TTC7A: variants seen among roughly 807,000 people sequenced by gnomAD.
The protein encoded by TTC7A is tetratricopeptide repeat domain 7A.
In TTC7A, 110 loss-of-function variants were observed where a neutral mutation model predicts 103.7. That is an observed-to-expected ratio of 1.06 (90% CI 0.91 to 1.24). The LOEUF (loss-of-function observed/expected upper bound fraction) is 1.24, where lower values mean the gene tolerates loss of function less well. Among genes scored for constraint, TTC7A ranks in the 50% most tolerant of loss-of-function variants. TTC7A has a pLI of 0.00. For synonymous variants in TTC7A, 521 were observed against 467.9 expected (o/e 1.11, Z -1.47); for missense variants, 1,340 against 1,116.3 (o/e 1.20, Z -2.86).
chr2:46,948,591 C>A (rs983797027), intron 1 of TTC7A, among the ~76,000 whole-genome samples: 8 of 152,092 alleles, frequency 5.3e-5, no homozygotes, highest in Non-Finnish European at 1.0e-4. Context: ...GGGGAATCTC[C>A]CTTACGGTGA....
intron 15 of TTC7A, chr2:47,040,308 A>G (rs58535347): frequency 0.027 from 4,183 of 152,372 alleles, 206 homozygotes; most frequent in African/African-American, 0.095. Context: ...AGTGTGACCA[A>G]GCGCATGGGG....
chr2:46,939,285 T>C (rs1670135131), upstream of TTC7A, among the ~76,000 whole-genome samples: 1 of 152,042 alleles, frequency 6.6e-6, no homozygotes, highest in Admixed American at 6.5e-5. Context: ...CCAGGCGCAG[T>C]GGCTCAAGCC....
intron 4 of TTC7A, among the ~76,000 whole-genome samples, chr2:46,977,079 G>A (rs1673953350): frequency 6.6e-6 from 1 of 152,214 alleles, no homozygotes; most frequent in African/African-American, 2.4e-5. Context: ...AAAGTCTGCT[G>A]CTCAGCTGGA....
intron 5 of TTC7A, among the ~76,000 whole-genome samples, chr2:46,988,227 C>G (rs1038416574): frequency 2.9e-4 from 44 of 152,176 alleles, no homozygotes; most frequent in African/African-American, 1.0e-3. Context: ...AGGAAGGAGC[C>G]CGGCACCTGG....
At position 46,994,477 on chromosome 2, in the gene TTC7A, C is replaced by T; in HGVS notation, c.964C>T (p.Gln322Ter). The part of the protein sequence containing the change: ...MGKEESSFAT[Q>*]ALRKPHLYEG... Reference sequence around the variant, plus strand: ...CAAGGAGGAGAGTTCTTTCGCCACTCAGGCCCTGCGGAAACCTCACCTCTA... The same window carrying T: ...CAAGGAGGAGAGTTCTTTCGCCACTTAGGCCCTGCGGAAACCTCACCTCTA... The change falls in exon 7 of 20, where the codon CAG becomes TAG. Residue 322 changes from glutamine (Q) to a stop codon, truncating the protein, a stop_gained. Coordinates refer to ENST00000319190, the MANE Select transcript of TTC7A (RefSeq NM_020458.4). LOFTEE classifies it high-confidence loss of function. 6.2e-7 allele frequency: 1 copy of T among 1,614,104 alleles called. No individual in the cohort carries two copies. The highest frequency in any genetic ancestry group is 8.5e-7 in the Non-Finnish European group (1 of 1,179,986).
chr2:47,061,011 C>T, intron 19 of TTC7A, 40 bp downstream of exon 19: 1 of 1,539,790 alleles, frequency 6.5e-7, no homozygotes. Flanking sequence ...CCTCCTCCCA[C>T]AGCCTCAGGG....
intron 8 of TTC7A, among the ~76,000 whole-genome samples, chr2:47,000,800 G>A (rs903940779): frequency 6.6e-6 from 1 of 152,282 alleles, no homozygotes; most frequent in South Asian, 2.1e-4. Flanking sequence ...TTGAGAATGC[G>A]GTTGATCAGG....
intron 19 of TTC7A, among the ~76,000 whole-genome samples, chr2:47,069,133 G>T (rs1017602093): frequency 6.6e-6 from 1 of 152,118 alleles, no homozygotes; most frequent in East Asian, 1.9e-4. Flanking sequence ...GCTCCAGGAT[G>T]GGTAGAGGCC....
At chr2:47,030,417 T>C (rs1572964335) in intron 15 of TTC7A, among the ~76,000 whole-genome samples, 1 of 152,174 alleles carries the variant, frequency 6.6e-6, no homozygotes, top group Admixed American at 6.5e-5. Context: ...TGGGTTCAGG[T>C]TTTCCTGCAT....
intron 4 of TTC7A, among the ~76,000 whole-genome samples, chr2:46,975,498 C>G (rs934890804): frequency 6.6e-6 from 1 of 151,826 alleles, no homozygotes; most frequent in Non-Finnish European, 1.5e-5. Context: ...TCTTGGGACT[C>G]CTTCTCCGAG....
intron 1 of TTC7A, among the ~76,000 whole-genome samples, chr2:46,948,957 C>T (rs1294006779): frequency 4.6e-5 from 7 of 152,174 alleles, no homozygotes; most frequent in East Asian, 1.9e-4. Context: ...CTGATGGCTT[C>T]GCTGTGGGGT....
chr2:46,942,025 T>C (rs957055381), intron 1 of TTC7A, among the ~76,000 whole-genome samples: 8 of 152,332 alleles, frequency 5.3e-5, no homozygotes, highest in Admixed American at 4.6e-4. Flanking sequence ...GTGCATTGGC[T>C]GGACTCTGCC....
intron 3 of TTC7A, among the ~76,000 whole-genome samples, chr2:46,966,333 T>C (rs558902792): frequency 6.6e-6 from 1 of 152,314 alleles, no homozygotes; most frequent in South Asian, 2.1e-4. Context: ...GTAACTCTAT[T>C]TTGTATTTGC....
chr2:47,018,005 A>G lies in TTC7A; in HGVS notation c.1393-3857A>G, dbSNP rs559265707. On this transcript the variant is annotated intron_variant, in intron 11 of 19. Coordinates refer to ENST00000319190, the MANE Select transcript of TTC7A (RefSeq NM_020458.4). ...TATATATATGAACCTGGCTAGCTGCAGTGGCTCACTCCTGTAATCCCAGCA... is the reference window on the plus strand; with the variant it reads ...TATATATATGAACCTGGCTAGCTGCGGTGGCTCACTCCTGTAATCCCAGCA... Among the ~76,000 whole-genome samples the G allele has an allele frequency of 8.5e-5, 13 of 152,300 alleles. No homozygotes were observed. The South Asian group carries it at 2.7e-3, about 32-fold the overall frequency.
chr2:46,989,320 G>A (rs1211613124), intron 5 of TTC7A, among the ~76,000 whole-genome samples: 1 of 152,214 alleles, frequency 6.6e-6, no homozygotes, highest in Admixed American at 6.5e-5. Flanking sequence ...GTTAAAAGTG[G>A]GCAGCTTTGC....
intron 11 of TTC7A, among the ~76,000 whole-genome samples, chr2:47,016,279 G>A (rs13427848): frequency 0.035 from 5,272 of 152,282 alleles, 316 homozygotes; most frequent in African/African-American, 0.12. Context: ...AAGGGTCAGA[G>A]AGGAGAAAAA....
intron 15 of TTC7A, among the ~76,000 whole-genome samples, chr2:47,037,735 A>T (rs1681267312): frequency 6.6e-6 from 1 of 152,184 alleles, no homozygotes; most frequent in Non-Finnish European, 1.5e-5. Flanking sequence ...AGAGGGATAG[A>T]AACTCATGAT....
At chr2:46,997,588 A>C (rs1239715064) in intron 8 of TTC7A, among the ~76,000 whole-genome samples, 1 of 152,200 alleles carries the variant, frequency 6.6e-6, no homozygotes, top group Non-Finnish European at 1.5e-5. Context: ...CCTTGAAGCC[A>C]TGACTCGAAC....
chr2:47,016,141 G>C (rs1678633653), intron 11 of TTC7A, among the ~76,000 whole-genome samples: 1 of 152,226 alleles, frequency 6.6e-6, no homozygotes, highest in Non-Finnish European at 1.5e-5. Flanking sequence ...AAGCCAGTCT[G>C]TGTAGGGACC....
Sources: gnomAD v4.1 joint callset for allele counts (sites outside exome capture counted in the v4.1 genomes callset) on GRCh38, gnomAD v4.1.1 for gene constraint, MANE v1.5 for transcripts, NCBI Gene and HGNC (gene_info 2026-07-23, HGNC 2026-07-21) for gene names.